DNM2: variants seen among roughly 807,000 people sequenced by gnomAD.
The protein encoded by DNM2 is dynamin 2.
DNM2 carries 15 observed loss-of-function variants against 99.0 expected under a neutral mutation model. The observed-to-expected ratio is 0.15, with a 90% CI of 0.10 to 0.23. The LOEUF is 0.23. Ranked by LOEUF, DNM2 falls within the 10% of genes least tolerant of loss-of-function variation. DNM2 has a pLI of 1.00. For synonymous variants in DNM2, 525 were observed against 481.2 expected (o/e 1.09, Z -1.19); for missense variants, 742 against 1,189.4 (o/e 0.62, Z 5.53).
chr19:10,794,623 T>G (rs1176964206), intron 8 of DNM2, among the ~76,000 whole-genome samples: 1 of 151,794 alleles, frequency 6.6e-6, no homozygotes, highest in Non-Finnish European at 1.5e-5. Flanking sequence ...GTGCCTGTAG[T>G]CCTAGCTACT....
At chr19:10,720,760 C>T (rs1043113348) in intron 1 of DNM2, among the ~76,000 whole-genome samples, 1 of 152,162 alleles carries the variant, frequency 6.6e-6, no homozygotes, top group African/African-American at 2.4e-5. Context: ...GCTTACTTAC[C>T]TAACGCACTG....
At chr19:10,732,316 A>C (rs1187878212) in intron 1 of DNM2, among the ~76,000 whole-genome samples, 1 of 148,024 alleles carries the variant, frequency 6.8e-6, no homozygotes, top group Non-Finnish European at 1.5e-5. Context: ...AAAAAAAAAA[A>C]AACAGGCCGG....
intron 3 of DNM2, among the ~76,000 whole-genome samples, chr19:10,774,872 C>T (rs181470947): frequency 2.4e-3 from 363 of 151,152 alleles, no homozygotes; most frequent in Non-Finnish European, 3.8e-3. Context: ...TGGGCTCAGG[C>T]GATCCTCCCG....
rs1599570564 is a variant in DNM2 at position 10,796,399 on chromosome 19, G to A, written c.1196+960G>A. ...GCCCAGGCACACAGGGGAGTGCCAG[G>A]CCTCCTGGACTGGCCAGACAGATGC... On this transcript the variant is annotated intron_variant, in intron 9 of 20. Coordinates refer to ENST00000389253, the MANE Select transcript of DNM2 (RefSeq NM_001005361.3). The surrounding 1 kb of genome is among the most constrained non-coding windows in gnomAD (Gnocchi z 5.6). Among the ~76,000 whole-genome samples, 1 of 152,116 alleles carries A rather than the reference G, an allele frequency of 6.6e-6. No homozygotes were observed. The highest frequency in any genetic ancestry group is 1.5e-5 in the Non-Finnish European group (1 of 68,010).
At chr19:10,808,612 T>G in intron 14 of DNM2, 32 bp downstream of exon 14, 1 of 1,609,360 alleles carries the variant, frequency 6.2e-7, no homozygotes, top group Non-Finnish European at 8.5e-7. Context: ...TAGCAAACAT[T>G]AGAGAATCTA....
rs2072807800 is a variant in DNM2 at position 10,817,791 on chromosome 19, G to T, written c.1672-2189G>T. Among the ~76,000 whole-genome samples, 1 of 143,528 alleles carries T rather than the reference G, an allele frequency of 7.0e-6. No homozygotes were observed. Among genetic ancestry groups the T allele is most frequent in the Non-Finnish European group, 1.5e-5 (1 of 64,556 alleles). 94.2% of individuals were successfully genotyped at this position (143,528 alleles called of 152,430 possible). The stretch of plus-strand genomic sequence containing the variant: ...GGGGTCGGGGGTGGGGAGGAGGGGC[G>T]CACACACACGTGTGTGTGTGTGTGT... On this transcript the variant is annotated intron_variant, in intron 15 of 20. Transcript: ENST00000389253. The surrounding 1 kb of genome is among the most constrained non-coding windows in gnomAD (Gnocchi z 4.6).
At chr19:10,733,907 C>T (rs1340008084) in intron 1 of DNM2, among the ~76,000 whole-genome samples, 1 of 151,884 alleles carries the variant, frequency 6.6e-6, no homozygotes, top group Non-Finnish European at 1.5e-5. Context: ...ATTTGGGAGG[C>T]TGAGGCAGGA....
At chr19:10,793,404 G>C (rs1215852817) in intron 7 of DNM2, among the ~76,000 whole-genome samples, 1 of 152,170 alleles carries the variant, frequency 6.6e-6, no homozygotes, top group African/African-American at 2.4e-5. Context: ...TGTAAATCAA[G>C]TTGAGCTTCA....
In DNM2 at chr19:10,830,115, C is replaced by G. The variant is rs752304369; in HGVS notation, c.2292-12C>G. ...TCTGTATCTGTAGCTCACACCCTCT[C>G]CTTCCTCACAGCCCCACTCCACAGC... On this transcript the variant is annotated splice_polypyrimidine_tract_variant and intron_variant, in intron 19 of 20. Transcript: ENST00000389253. This position sits in a 1 kb window ranked among gnomAD's most constrained non-coding sequence, Gnocchi z 4.8. The G allele has an allele frequency of 1.2e-6, 2 of 1,613,850 alleles. No individual in the cohort carries two copies. Among genetic ancestry groups the G allele is most frequent in the South Asian group, 1.1e-5 (1 of 91,090 alleles).
chr19:10,800,127 G>A (rs1022700280), intron 11 of DNM2, among the ~76,000 whole-genome samples: 27 of 152,240 alleles, frequency 1.8e-4, no homozygotes, highest in African/African-American at 6.5e-4. Context: ...AAAGTGCTGG[G>A]ATGACAGGTG....
At chr19:10,721,260 G>A (rs750610705) in intron 1 of DNM2, among the ~76,000 whole-genome samples, 4 of 152,094 alleles carry the variant, frequency 2.6e-5, no homozygotes, top group African/African-American at 4.8e-5. Flanking sequence ...ATGTTCAAGC[G>A]ATTCTCATAC....
intron 18 of DNM2, among the ~76,000 whole-genome samples, chr19:10,827,643 G>C (rs1292381035): frequency 6.6e-6 from 1 of 151,588 alleles, no homozygotes; most frequent in Non-Finnish European, 1.5e-5. Context: ...AGGCTGAGGC[G>C]GGCACATCAC....
chr19:10,801,920 A>AC (rs1330618662), intron 11 of DNM2, among the ~76,000 whole-genome samples: 2 of 151,820 alleles, frequency 1.3e-5, no homozygotes, highest in African/African-American at 4.8e-5. Context: ...AAAAAAAAAA[A>AC]AAAACAAAAA....
chr19:10,768,777 A>T (rs1292822937), intron 2 of DNM2: 1 of 152,152 alleles, frequency 6.6e-6, no homozygotes, highest in African/African-American at 2.4e-5. Flanking sequence ...TCCATTTCTC[A>T]CCTAACATGC....
intron 1 of DNM2, among the ~76,000 whole-genome samples, chr19:10,733,925 T>G (rs1179716226): frequency 1.3e-5 from 2 of 151,756 alleles, no homozygotes; most frequent in Non-Finnish European, 2.9e-5. Flanking sequence ...GGAGAATTGC[T>G]TAAACCTGGG....
intron 18 of DNM2, among the ~76,000 whole-genome samples, chr19:10,828,206 T>C (rs2073212056): frequency 2.0e-5 from 3 of 147,796 alleles, no homozygotes; most frequent in Admixed American, 2.0e-4. Flanking sequence ...CAAGAATTGC[T>C]TGGACCCAGG....
chr19:10,803,380 C>T (rs2072223183), intron 12 of DNM2, among the ~76,000 whole-genome samples: 1 of 152,218 alleles, frequency 6.6e-6, no homozygotes, highest in African/African-American at 2.4e-5. Context: ...AGGGCCTCAT[C>T]AGAACCCCTC....
In DNM2 at chr19:10,795,448, C is replaced by T; in HGVS notation, c.1196+9C>T. On this transcript the variant is annotated intron_variant, in intron 9 of 20. Coordinates refer to ENST00000389253, the MANE Select transcript of DNM2 (RefSeq NM_001005361.3). The surrounding 1 kb of genome is among the most constrained non-coding windows in gnomAD (Gnocchi z 4.2). ...AACATCCATGGAGTCAGGCAAGTTCCACGAGGAGAGTCACCACTGTTCCTT... is the reference window on the plus strand; with the variant it reads ...AACATCCATGGAGTCAGGCAAGTTCTACGAGGAGAGTCACCACTGTTCCTT... The T allele has an allele frequency of 6.2e-7, 1 of 1,614,020 alleles. No homozygotes were observed. Among genetic ancestry groups the T allele is most frequent in the Non-Finnish European group, 8.5e-7 (1 of 1,180,010 alleles).
intron 6 of DNM2, among the ~76,000 whole-genome samples, chr19:10,785,925 A>G (rs1041840900): frequency 6.6e-6 from 1 of 151,628 alleles, no homozygotes; most frequent in African/African-American, 2.4e-5. Flanking sequence ...CAGCCTCCCA[A>G]GTAGCTGAGA....
Sources: allele counts gnomAD v4.1 joint callset (sites outside exome capture counted in the v4.1 genomes callset), GRCh38; gene constraint gnomAD v4.1.1; non-coding constraint Gnocchi (gnomAD v3.1); transcripts MANE v1.5; gene names NCBI Gene and HGNC (gene_info 2026-07-23, HGNC 2026-07-21).